NBDY: variants seen among roughly 807,000 people sequenced by gnomAD.
The protein encoded by NBDY is P-body dissociating protein.
At chrX:56,808,636 G>C (rs2069867590) in intron 2 of NBDY, among the ~76,000 whole-genome samples, 1 of 111,728 alleles carries the variant, frequency 9.0e-6, no homozygotes, top group Admixed American at 9.5e-5. Flanking sequence ...ACATCTATTT[G>C]ATTCTTCTCT....
At chrX:56,745,766 C>A (rs2069554326) in intron 2 of NBDY, among the ~76,000 whole-genome samples, 1 of 109,791 alleles carries the variant, frequency 9.1e-6, no homozygotes, top group African/African-American at 3.3e-5. Flanking sequence ...GTGACGTTGC[C>A]ATTTTTGATG....
At chrX:56,738,993 G>A (rs2069512530) in intron 2 of NBDY, among the ~76,000 whole-genome samples, 1 of 108,227 alleles carries the variant, frequency 9.2e-6, no homozygotes, top group African/African-American at 3.4e-5. Flanking sequence ...GTATGGGGCA[G>A]GACTCTTTCT....
At chrX:56,733,642 G>T (rs1185530500) in intron 2 of NBDY, among the ~76,000 whole-genome samples, 2 of 111,564 alleles carry the variant, frequency 1.8e-5, no homozygotes, top group Non-Finnish European at 3.8e-5. Context: ...AAGTTATAGG[G>T]CATCGCCACC....
intron 2 of NBDY, among the ~76,000 whole-genome samples, chrX:56,791,943 C>A (rs1326217736): frequency 1.8e-5 from 2 of 109,321 alleles, no homozygotes; most frequent in Admixed American, 9.8e-5. Flanking sequence ...CTTTCTCCTT[C>A]TTCTTCGTCC....
chrX:56,808,824 C>T (rs1254448338), intron 2 of NBDY, among the ~76,000 whole-genome samples: 1 of 111,820 alleles, frequency 8.9e-6, no homozygotes, highest in Non-Finnish European at 1.9e-5. Context: ...TTTGCTTCTG[C>T]TTCTCTATTT....
intron 2 of NBDY, among the ~76,000 whole-genome samples, chrX:56,741,555 T>A (rs1361899334): frequency 8.9e-6 from 1 of 111,952 alleles, no homozygotes; most frequent in African/African-American, 3.2e-5. Context: ...TGAGATAATA[T>A]CCCATTGTAG....
chrX:56,786,256 G>C (rs1022552152), intron 2 of NBDY, among the ~76,000 whole-genome samples: 12 of 111,074 alleles, frequency 1.1e-4, no homozygotes, highest in African/African-American at 3.9e-4. Flanking sequence ...AGCTTCTGCA[G>C]GCCCATATGT....
At chrX:56,809,863 A>G (rs2069876197) in intron 2 of NBDY, among the ~76,000 whole-genome samples, 1 of 111,764 alleles carries the variant, frequency 8.9e-6, no homozygotes, top group Admixed American at 9.5e-5. Flanking sequence ...AGTCTTTACA[A>G]TTTAGTATGT....
intron 2 of NBDY, among the ~76,000 whole-genome samples, chrX:56,745,876 C>T (rs185354032): frequency 1.8e-5 from 2 of 111,058 alleles, no homozygotes; most frequent in Admixed American, 9.6e-5. Flanking sequence ...ACTACATGGG[C>T]GATGTTCTGT....
intron 2 of NBDY, among the ~76,000 whole-genome samples, chrX:56,790,836 C>G (rs2069758264): frequency 8.9e-6 from 1 of 112,329 alleles, no homozygotes. Context: ...CTTTCAGGTT[C>G]CCTCTTGTTC....
chrX:56,811,805 A>G (rs1021463395), intron 2 of NBDY, among the ~76,000 whole-genome samples: 3 of 109,088 alleles, frequency 2.8e-5, no homozygotes, highest in African/African-American at 1.0e-4. Context: ...CTGAGGCATG[A>G]AAAAAAAACA....
chrX:56,783,726 C>T (rs944588390), intron 2 of NBDY, among the ~76,000 whole-genome samples: 4 of 112,891 alleles, frequency 3.5e-5, no homozygotes, highest in Non-Finnish European at 7.5e-5. Context: ...TCAGAAACAC[C>T]TTCCGCTGGA....
intron 2 of NBDY, among the ~76,000 whole-genome samples, chrX:56,787,186 C>G (rs779300958): frequency 9.0e-6 from 1 of 111,028 alleles, no homozygotes; most frequent in Non-Finnish European, 1.9e-5. Flanking sequence ...ACCACAGACA[C>G]AGACACAATG....
intron 2 of NBDY, among the ~76,000 whole-genome samples, chrX:56,757,661 G>A (rs1280660897): frequency 9.0e-6 from 1 of 111,119 alleles, no homozygotes; most frequent in Non-Finnish European, 1.9e-5. Flanking sequence ...CTCTCGGAAA[G>A]GGAAAAAGAA....
chrX:56,800,867 C>T lies in NBDY; in HGVS notation c.*167-16453C>T, dbSNP rs73497133. ...CCCTGGGGGTGTAAGCAGCATCCCC[C>T]TCCCCTATCTGCCTTCTGTCAGTGT... On this transcript the variant is annotated intron_variant, in intron 2 of 2. Transcript: ENST00000374922. Among the ~76,000 whole-genome samples, 446 of 110,987 alleles carry T rather than the reference C, an allele frequency of 4.0e-3. 1 individual carries two copies. Among genetic ancestry groups the T allele is most frequent in the African/African-American group, 0.014 (438 of 30,479 alleles).
intron 2 of NBDY, among the ~76,000 whole-genome samples, chrX:56,757,536 G>T (rs534126917): frequency 9.0e-6 from 1 of 111,440 alleles, no homozygotes; most frequent in Middle Eastern, 4.6e-3. Context: ...ACAAAATGAG[G>T]AACCAACTAA....
chrX:56,746,710 A>T (rs1313470790), intron 2 of NBDY, among the ~76,000 whole-genome samples: 1 of 110,208 alleles, frequency 9.1e-6, no homozygotes, highest in African/African-American at 3.3e-5. Flanking sequence ...TAGATCTGAG[A>T]TCCCTTTCTT....
At chrX:56,764,554 C>A (rs1008903931) in intron 2 of NBDY, among the ~76,000 whole-genome samples, 3 of 110,520 alleles carry the variant, frequency 2.7e-5, no homozygotes, top group Non-Finnish European at 5.7e-5. Context: ...CTGTTCCTGG[C>A]AGAAGGCAGG....
chrX:56,805,927 C>T (rs182358902), intron 2 of NBDY, among the ~76,000 whole-genome samples: 302 of 111,173 alleles, frequency 2.7e-3, no homozygotes, highest in African/African-American at 9.3e-3. Context: ...CCCATCAACT[C>T]GTCACCTACA....
Sources: gnomAD v4.1 joint callset for allele counts (sites outside exome capture counted in the v4.1 genomes callset) on GRCh38, gnomAD v4.1.1 for gene constraint, MANE v1.5 for transcripts, NCBI Gene and HGNC (gene_info 2026-07-23, HGNC 2026-07-21) for gene names.